The following SLC25A46 variants were observed in gnomAD, a reference collection of about 807,000 sequenced individuals.
The protein encoded by SLC25A46 is mitochondrial outer membrane protein SLC25A46.
A neutral mutation model predicts 44.6 loss-of-function variants in SLC25A46; 39 were observed. That is an observed-to-expected ratio of 0.87 (90% CI 0.68 to 1.14). The LOEUF is 1.14. Among genes scored for constraint, SLC25A46 ranks in the 50% most tolerant of loss-of-function variants. The pLI, the probability that SLC25A46 is intolerant of heterozygous loss-of-function variation, is 0.00. For missense variants in SLC25A46, 547 were observed against 522.7 expected, an observed-to-expected ratio of 1.05 and a Z score of -0.45; for synonymous variants, 202 against 185.8, an observed-to-expected ratio of 1.09 and a Z score of -0.71.
In SLC25A46 at chr5:110,755,577, T is replaced by G. The variant is rs1054782683; in HGVS notation, c.620+56T>G. The G allele has an allele frequency of 6.4e-6, 7 of 1,097,956 alleles. No individual in the cohort carries two copies. The East Asian group carries it at 1.5e-4, about 23-fold the overall frequency. 68.0% of individuals were successfully genotyped at this position (1,097,956 alleles called of 1,614,324 possible). Reference sequence around the variant, plus strand: ...GCATTTTCACTAATTTTTATAGTATTAGAACTGGAAACAAATCTTATTAAA... The same window carrying G: ...GCATTTTCACTAATTTTTATAGTATGAGAACTGGAAACAAATCTTATTAAA... On this transcript the variant is annotated intron_variant, in intron 6 of 7. Coordinates refer to ENST00000355943, the MANE Select transcript of SLC25A46 (RefSeq NM_138773.4).
At position 110,743,924 on chromosome 5, in the gene SLC25A46, T is replaced by C. The variant is rs532727788; in HGVS notation, c.384+137T>C. On this transcript the variant is annotated intron_variant, in intron 3 of 7. Coordinates refer to ENST00000355943, the MANE Select transcript of SLC25A46 (RefSeq NM_138773.4). ...CCAAACTTTTTGGTCTCAAAACCTCTTTAAAGTCTTAAAAAAATATTGAGG... is the reference window on the plus strand; with the variant it reads ...CCAAACTTTTTGGTCTCAAAACCTCCTTAAAGTCTTAAAAAAATATTGAGG... The C allele has an allele frequency of 5.5e-6, 3 of 546,876 alleles. No individual in the cohort carries two copies. In the South Asian group the frequency reaches 1.2e-4, roughly 21 times the overall value. The allele number at this position is 546,876 out of a possible 1,614,324, so 33.9% of individuals were successfully genotyped here.
upstream of SLC25A46, chr5:110,738,637 G>T (rs1180070452): frequency 4.9e-6 from 1 of 203,054 alleles, no homozygotes; most frequent in Non-Finnish European, 1.0e-5. Flanking sequence ...AGCTTCCTCG[G>T]AGCAGGCGAG....
intron 5 of SLC25A46, among the ~76,000 whole-genome samples, chr5:110,752,136 T>C (rs1799981290): frequency 6.6e-6 from 1 of 151,964 alleles, no homozygotes; most frequent in South Asian, 2.1e-4. Context: ...ACAGGGGAGA[T>C]AGTACAGATT....
chr5:110,745,254 T>G (rs1265507045), intron 3 of SLC25A46, among the ~76,000 whole-genome samples: 1 of 149,658 alleles, frequency 6.7e-6, no homozygotes, highest in Non-Finnish European at 1.5e-5. Context: ...ATAACCCACT[T>G]TTTTTTTTTG....
chr5:110,751,975 G>C (rs1799977528), intron 5 of SLC25A46, among the ~76,000 whole-genome samples: 1 of 152,120 alleles, frequency 6.6e-6, no homozygotes, highest in African/African-American at 2.4e-5. Context: ...GAAGAAGGCA[G>C]AGTTTGTTTC....
At position 110,761,239 on chromosome 5, in the gene SLC25A46, G is replaced by A. The variant is rs7724788; in HGVS notation, c.714G>A (p.Glu238=). 157,275 of 1,607,696 alleles carry A rather than the reference G, an allele frequency of 0.098. 13,034 individuals carry two copies. The highest frequency in any genetic ancestry group is 0.42 in the African/African-American group (31,012 of 74,486). ...EIIRDNTGIL[E]CVKEGIGRVI... ...TTCGAGATAATACTGGCATTTTGGA[G>A]TGTGTTAAAGAAGGAATTGGAAGAG... The change falls in exon 8 of 8, where the codon GAG becomes GAA. Residue 238 remains glutamate, a synonymous_variant. Transcript: ENST00000355943. The surrounding 1 kb of genome is among the most constrained non-coding windows in gnomAD (Gnocchi z 5.3).
At chr5:110,758,232 G>GT (rs2150417032) in intron 7 of SLC25A46, among the ~76,000 whole-genome samples, 1 of 151,846 alleles carries the variant, frequency 6.6e-6, no homozygotes, top group Admixed American at 6.6e-5. Flanking sequence ...TTGACCCTCT[G>GT]TTTTTTATCC....
chr5:110,759,913 A>C (rs1282446746), intron 7 of SLC25A46, among the ~76,000 whole-genome samples: 1 of 152,152 alleles, frequency 6.6e-6, no homozygotes, highest in African/African-American at 2.4e-5. Context: ...CCACATTTAT[A>C]ATACAGTGCT....
chr5:110,753,013 G>T (rs1800006810), intron 5 of SLC25A46, among the ~76,000 whole-genome samples: 1 of 152,136 alleles, frequency 6.6e-6, no homozygotes, highest in Non-Finnish European at 1.5e-5. Flanking sequence ...CAACAGAATG[G>T]GCTAGTGGAG....
chr5:110,758,152 T>C (rs1800161218), intron 7 of SLC25A46, among the ~76,000 whole-genome samples: 1 of 152,148 alleles, frequency 6.6e-6, no homozygotes. Flanking sequence ...TCTTTAGATT[T>C]CTCTCTCTTG....
At chr5:110,759,327 T>C (rs1462757286) in intron 7 of SLC25A46, among the ~76,000 whole-genome samples, 1 of 152,088 alleles carries the variant, frequency 6.6e-6, no homozygotes, top group Non-Finnish European at 1.5e-5. Context: ...TGTGTAAAGA[T>C]CAACATGCAT....
At chr5:110,755,564 A>G in intron 6 of SLC25A46, 43 bp downstream of exon 6, 1 of 1,229,268 alleles carries the variant, frequency 8.1e-7, no homozygotes, top group Non-Finnish European at 1.2e-6. Flanking sequence ...ATTTTCACTA[A>G]TTTTTATAGT....
chr5:110,738,268 G>A, upstream of SLC25A46: 1 of 1,281,626 alleles, frequency 7.8e-7, no homozygotes, highest in Non-Finnish European at 1.0e-6. Flanking sequence ...ACGCTCTACA[G>A]TAGTCCTCTC....
Position 110,761,081 on chromosome 5 carries a change from A to T in SLC25A46, c.679-123A>T. On this transcript the variant is annotated intron_variant, in intron 7 of 7. Coordinates refer to ENST00000355943, the MANE Select transcript of SLC25A46 (RefSeq NM_138773.4). The surrounding 1 kb of genome is among the most constrained non-coding windows in gnomAD (Gnocchi z 5.3). ...GCCTAGATAACAGTTAAAGTCTGCAAATCATGGATGTTTCCCTCTTCAGTC... is the reference window on the plus strand; with the variant it reads ...GCCTAGATAACAGTTAAAGTCTGCATATCATGGATGTTTCCCTCTTCAGTC... 1.3e-6 allele frequency: 1 copy of T among 741,296 alleles called. No individual in the cohort carries two copies. The highest frequency in any genetic ancestry group is 2.6e-5 in the East Asian group (1 of 38,040). The allele number at this position is 741,296 out of a possible 1,614,324, so 45.9% of individuals were successfully genotyped here.
intron 3 of SLC25A46, 50 bp downstream of exon 3, chr5:110,743,837 T>C (rs1394456958): frequency 1.4e-6 from 2 of 1,394,030 alleles, no homozygotes; most frequent in African/African-American, 1.4e-5. Flanking sequence ...GACCCTAATA[T>C]GAAGGGCAGA....
At chr5:110,752,389 C>T (rs1472502683) in intron 5 of SLC25A46, among the ~76,000 whole-genome samples, 2 of 152,114 alleles carry the variant, frequency 1.3e-5, no homozygotes, top group African/African-American at 2.4e-5. Context: ...CCCCACAGTA[C>T]CCTTTACTTA....
intron 5 of SLC25A46, chr5:110,754,277 G>A (rs2150414747): frequency 6.8e-6 from 1 of 147,858 alleles, no homozygotes; most frequent in African/African-American, 2.5e-5. Context: ...ACTGTTGGTA[G>A]CAAGTCTTAT....
At chr5:110,757,516 G>T (rs1439142280) in intron 7 of SLC25A46, among the ~76,000 whole-genome samples, 1 of 151,950 alleles carries the variant, frequency 6.6e-6, no homozygotes, top group African/African-American at 2.4e-5. Flanking sequence ...ACTCGCACTG[G>T]ATCAGCCTTT....
chr5:110,741,942 G>C, intron 1 of SLC25A46, 105 bp from the exon 2 acceptor site: 1 of 756,526 alleles, frequency 1.3e-6, no homozygotes, highest in Admixed American at 2.8e-5. Context: ...TGAACAGCAG[G>C]TTAATAAAAT....
Sources: allele counts gnomAD v4.1 joint callset (sites outside exome capture counted in the v4.1 genomes callset), GRCh38; gene constraint gnomAD v4.1.1; non-coding constraint Gnocchi (gnomAD v3.1); transcripts MANE v1.5; gene names NCBI Gene and HGNC (gene_info 2026-07-23, HGNC 2026-07-21).